Variants in KLHL1 observed in about 807,000 individuals in gnomAD.
KLHL1 encodes the protein kelch like family member 1.
KLHL1 carries 47 observed loss-of-function variants against 77.7 expected under a neutral mutation model. The observed-to-expected ratio is 0.60, with a 90% confidence interval of 0.48 to 0.77. KLHL1 has a LOEUF of 0.77. Ranked by LOEUF, KLHL1 falls within the 30% of genes least tolerant of loss-of-function variation. The pLI is 0.00. For missense variants in KLHL1, 925 were observed against 910.8 expected (o/e 1.02, Z -0.20); for synonymous variants, 360 against 325.2 (o/e 1.11, Z -1.15).
In KLHL1 at chr13:70,107,684, G is replaced by C; in HGVS notation, c.16C>G (p.Arg6Gly). 1 of 1,528,670 alleles carries C rather than the reference G, an allele frequency of 6.5e-7. No homozygotes were observed. Among genetic ancestry groups the C allele is most frequent in the Non-Finnish European group, 8.8e-7 (1 of 1,142,634 alleles). The allele number at this position is 1,528,670 out of a possible 1,614,324, so 94.7% of individuals were successfully genotyped here. The stretch of plus-strand genomic sequence containing the variant: ...ATGTGCTTCACATCGAAGTCTTTTC[G>C]CCCAGAGCCTGACATGCTTTACGCA... MSGSG[R>G]KDFDVKHILR... Residue 6 changes from arginine to glycine, a missense_variant, in exon 1 of 11, where the codon CGA becomes GGA. By Grantham distance (125) the Arg-to-Gly change is moderately radical. Transcript: ENST00000377844.
In KLHL1 at chr13:69,740,416, C is replaced by A. The variant is rs1389004855; in HGVS notation, c.1780G>T (p.Gly594Cys). 6.2e-7 allele frequency: 1 copy of A among 1,603,106 alleles called. No individual in the cohort carries two copies. The change falls in exon 8 of 11, where the codon GGT becomes TGT. Residue 594 changes from glycine to cysteine, a missense_variant. By Grantham distance (159) the Gly-to-Cys change is radical (BLOSUM62 -3). Coordinates refer to ENST00000377844, the MANE Select transcript of KLHL1 (RefSeq NM_020866.3). The part of the protein sequence containing the change: ...ASMSIARSTV[G>C]VAALNGKLYS... The stretch of plus-strand genomic sequence containing the variant: ...TACTTGCCATTCAATGCTGCTACAC[C>A]AACTGTGCTCCGAGCAATTGACATA...
rs1032107369 is a variant in KLHL1 at position 69,713,523 on chromosome 13, A to T, written c.2016-5727T>A. ...TTATCATTTTTTCACTTATTCAGAT[A>T]TTCATTTAATTGTCATTGTATTAAG... On this transcript the variant is annotated intron_variant, in intron 9 of 10. Coordinates refer to ENST00000377844, the MANE Select transcript of KLHL1 (RefSeq NM_020866.3). 3.9e-4 allele frequency among the ~76,000 whole-genome samples: 60 copies of T among 152,232 alleles called. 1 individual carries two copies. The highest frequency in any genetic ancestry group is 1.3e-3 in the African/African-American group (56 of 41,562).
chr13:69,842,956 G>A (rs1188990010), intron 5 of KLHL1, among the ~76,000 whole-genome samples: 2 of 151,714 alleles, frequency 1.3e-5, no homozygotes, highest in Non-Finnish European at 2.9e-5. Context: ...AATATCACAT[G>A]TTCTCACTTT....
At chr13:69,805,908 TAA>T (rs1877597371) in intron 6 of KLHL1, among the ~76,000 whole-genome samples, 1 of 151,900 alleles carries the variant, frequency 6.6e-6, no homozygotes, top group South Asian at 2.1e-4. Flanking sequence ...TACTAGGAAG[TAA>T]ATTATTTAAA....
intron 4 of KLHL1, among the ~76,000 whole-genome samples, chr13:69,927,379 A>G (rs984675048): frequency 5.9e-5 from 9 of 152,176 alleles, no homozygotes; most frequent in African/African-American, 1.9e-4. Flanking sequence ...CAAAAGCACA[A>G]GCAATAAAAG....
At chr13:69,842,081 A>C (rs915554876) in intron 5 of KLHL1, among the ~76,000 whole-genome samples, 1 of 151,946 alleles carries the variant, frequency 6.6e-6, no homozygotes, top group African/African-American at 2.4e-5. Flanking sequence ...AAAACTATTA[A>C]TATAAAAACA....
At chr13:69,992,736 A>G (rs1885056740) in intron 1 of KLHL1, among the ~76,000 whole-genome samples, 1 of 151,928 alleles carries the variant, frequency 6.6e-6, no homozygotes, top group Non-Finnish European at 1.5e-5. Context: ...CTGAACCAAG[A>G]ACTACATTCA....
intron 1 of KLHL1, among the ~76,000 whole-genome samples, chr13:70,025,348 A>G (rs1343069699): frequency 1.3e-5 from 2 of 151,998 alleles, no homozygotes; most frequent in African/African-American, 4.8e-5. Flanking sequence ...TTTGAGGTGG[A>G]ATTATTTTAT....
Position 70,033,948 on chromosome 13 carries a change from A to G in KLHL1, c.498-58146T>C, listed in dbSNP as rs557040569. On this transcript the variant is annotated intron_variant, in intron 1 of 10. Coordinates refer to ENST00000377844, the MANE Select transcript of KLHL1 (RefSeq NM_020866.3). ...TTGATCGATGAAAATCCAATCCTTA[A>G]GCCCTAATACGGACGAAATATAAAA... Among the ~76,000 whole-genome samples the G allele has an allele frequency of 2.6e-5, 4 of 152,188 alleles. No individual in the cohort carries two copies. In the East Asian group the frequency reaches 5.8e-4, roughly 22 times the overall value.
chr13:69,849,535 G>A (rs1165235575), intron 5 of KLHL1, among the ~76,000 whole-genome samples: 1 of 150,904 alleles, frequency 6.6e-6, no homozygotes, highest in Non-Finnish European at 1.5e-5. Flanking sequence ...TTCCTCTGGG[G>A]CTTCTATTAA....
At chr13:69,924,781 G>T (rs1450415366) in intron 4 of KLHL1, among the ~76,000 whole-genome samples, 1 of 152,192 alleles carries the variant, frequency 6.6e-6, no homozygotes, top group African/African-American at 2.4e-5. Context: ...CTGAGCCAGG[G>T]CTGTGACACC....
intron 1 of KLHL1, among the ~76,000 whole-genome samples, chr13:70,047,373 T>A (rs1293984982): frequency 6.6e-6 from 1 of 151,524 alleles, no homozygotes; most frequent in African/African-American, 2.4e-5. Flanking sequence ...CTATTACTTC[T>A]GAATTAGTGC....
chr13:69,795,245 T>C (rs1877052950), intron 7 of KLHL1, among the ~76,000 whole-genome samples: 3 of 152,212 alleles, frequency 2.0e-5, no homozygotes, highest in Non-Finnish European at 4.4e-5. Context: ...TTTCCTTTTC[T>C]CTCTCTTCCC....
chr13:69,848,211 C>T (rs547039966), intron 5 of KLHL1, among the ~76,000 whole-genome samples: 3 of 151,588 alleles, frequency 2.0e-5, no homozygotes, highest in East Asian at 3.9e-4. Context: ...TGTTCAAAGA[C>T]ATACAGAGAG....
At chr13:69,707,036 A>G (rs1875658644) in intron 10 of KLHL1, among the ~76,000 whole-genome samples, 1 of 152,004 alleles carries the variant, frequency 6.6e-6, no homozygotes, top group Non-Finnish European at 1.5e-5. Context: ...GGACAAAATG[A>G]TTGACAAGGA....
intron 6 of KLHL1, among the ~76,000 whole-genome samples, chr13:69,809,358 T>C (rs1163014848): frequency 6.6e-6 from 1 of 152,148 alleles, no homozygotes; most frequent in Non-Finnish European, 1.5e-5. Flanking sequence ...ACAACATATT[T>C]CTCAGCAGGA....
intron 1 of KLHL1, among the ~76,000 whole-genome samples, chr13:70,045,792 T>A (rs753342198): frequency 5.3e-5 from 8 of 152,190 alleles, no homozygotes; most frequent in African/African-American, 1.9e-4. Context: ...CTTTGAAGTA[T>A]AGGGATGCTG....
intron 4 of KLHL1, among the ~76,000 whole-genome samples, chr13:69,922,719 C>T (rs1310021039): frequency 6.6e-6 from 1 of 151,862 alleles, no homozygotes; most frequent in African/African-American, 2.4e-5. Flanking sequence ...TTACAAAGAA[C>T]AAATTTACAG....
chr13:69,778,556 A>G (rs12877925), intron 7 of KLHL1, among the ~76,000 whole-genome samples: 2 of 152,144 alleles, frequency 1.3e-5, no homozygotes, highest in Non-Finnish European at 2.9e-5. Context: ...ATTGTACAAG[A>G]GATATCTATG....
Sources: gnomAD v4.1 joint callset for allele counts (sites outside exome capture counted in the v4.1 genomes callset) on GRCh38, gnomAD v4.1.1 for gene constraint, MANE v1.5 for transcripts, NCBI Gene and HGNC (gene_info 2026-07-23, HGNC 2026-07-21) for gene names.